COL5A2: variants seen among roughly 807,000 people sequenced by gnomAD.
The protein encoded by COL5A2 is collagen type V alpha 2 chain, also known as collagen alpha-2(V) chain.
Under a neutral mutation model 208.2 loss-of-function variants are expected in COL5A2, and 23 were observed. The ratio of observed to expected loss-of-function variants is 0.11; its 90% CI spans 0.08 to 0.16. The LOEUF (loss-of-function observed/expected upper bound fraction) is 0.16, where lower values mean the gene tolerates loss of function less well. Ranked by LOEUF, COL5A2 falls within the 10% of genes least tolerant of loss-of-function variation. The probability of loss-of-function intolerance (pLI) is 1.00; values close to 1 mark genes in which losing one functional copy is unlikely to be tolerated. For missense variants in COL5A2, 1,590 were observed against 1,956.4 expected (o/e 0.81, Z 3.53); for synonymous variants, 625 against 628.5 (o/e 0.99, Z 0.08).
chr2:189,218,100 C>T (rs953399982), intron 1 of COL5A2, among the ~76,000 whole-genome samples: 2 of 152,074 alleles, frequency 1.3e-5, no homozygotes, highest in Admixed American at 6.6e-5. Context: ...ATTCTAAGAA[C>T]GTTATGCTAA....
chr2:189,359,770 C>T, the COL5A2 span, among the ~76,000 whole-genome samples: 1 of 152,002 alleles, frequency 6.6e-6, no homozygotes. Flanking sequence ...AACAGGATTT[C>T]TATTTTTTTC....
At chr2:189,143,254 C>T (rs2105775553) in intron 1 of COL5A2, among the ~76,000 whole-genome samples, 1 of 152,274 alleles carries the variant, frequency 6.6e-6, no homozygotes, top group Non-Finnish European at 1.5e-5. Flanking sequence ...ACTATGAACC[C>T]TAGCTTGGGG....
rs1386081744 is a variant in COL5A2, at chr2:189,045,190, G to T, written c.3352C>A (p.Arg1118Ser). The change falls in exon 47 of 54, where the codon CGT becomes AGT. Residue 1118 changes from arginine (R) to serine (S), a missense_variant. Coordinates refer to ENST00000374866, the MANE Select transcript of COL5A2 (RefSeq NM_000393.5). ...PIGPPGRAGKRGLPGPQGPRG... is the reference protein window; with the variant it reads ...PIGPPGRAGKSGLPGPQGPRG... ...AAAAGAGAACTTACAGGTAATCCACGTTTCCCAGCTCGACCAGGTGGTCCT... is the reference window on the plus strand; with the variant it reads ...AAAAGAGAACTTACAGGTAATCCACTTTTCCCAGCTCGACCAGGTGGTCCT... The T allele has an allele frequency of 1.2e-6, 2 of 1,602,070 alleles. No homozygotes were observed. The highest frequency in any genetic ancestry group is 2.3e-5 in the South Asian group (2 of 88,324).
chr2:189,144,633 T>A (rs867798701), intron 1 of COL5A2, among the ~76,000 whole-genome samples: 38 of 151,910 alleles, frequency 2.5e-4, no homozygotes, highest in African/African-American at 8.0e-4. Context: ...TACATATATT[T>A]TATATATATA....
At chr2:189,100,028 C>A (rs911461083) in intron 4 of COL5A2, 79 bp downstream of exon 4, 1 of 1,218,332 alleles carries the variant, frequency 8.2e-7, no homozygotes, top group South Asian at 1.3e-5. Flanking sequence ...AAAGTATGTA[C>A]ATAAGCAATA....
intron 1 of COL5A2, among the ~76,000 whole-genome samples, chr2:189,126,884 T>A (rs1258150386): frequency 1.3e-5 from 2 of 152,072 alleles, no homozygotes; most frequent in South Asian, 4.1e-4. Flanking sequence ...GAGTACCTAT[T>A]ATGTGCCATT....
At chr2:189,320,434 T>C in the COL5A2 span, among the ~76,000 whole-genome samples, 1 of 152,164 alleles carries the variant, frequency 6.6e-6, no homozygotes, top group African/African-American at 2.4e-5. Flanking sequence ...ATTACACGAA[T>C]GGCTAACTAG....
At chr2:189,380,304 T>C in the COL5A2 span, among the ~76,000 whole-genome samples, 1 of 151,972 alleles carries the variant, frequency 6.6e-6, no homozygotes, top group African/African-American at 2.4e-5. Flanking sequence ...ATAAAGTTTT[T>C]CTTTTCCTTT....
intron 1 of COL5A2, among the ~76,000 whole-genome samples, chr2:189,149,923 A>T (rs990347393): frequency 2.0e-5 from 3 of 152,238 alleles, no homozygotes; most frequent in African/African-American, 7.2e-5. Context: ...GTAAAGTCTT[A>T]GTAGAAACTT....
intron 8 of COL5A2, among the ~76,000 whole-genome samples, chr2:189,087,906 G>T (rs10165260): frequency 2.0e-5 from 3 of 151,638 alleles, no homozygotes; most frequent in Non-Finnish European, 4.4e-5. Context: ...TCAAAAAAAA[G>T]TTCCCAAAAG....
Position 189,033,955 on chromosome 2 carries a change from T to C in COL5A2, c.*115A>G. The C allele has an allele frequency of 2.9e-6, 4 of 1,366,982 alleles. No individual in the cohort carries two copies. The highest frequency in any genetic ancestry group is 2.3e-5 in the East Asian group (1 of 43,784). 84.7% of individuals were successfully genotyped at this position (1,366,982 alleles called of 1,614,324 possible). On this transcript the variant is annotated 3_prime_UTR_variant, in exon 54 of 54. Transcript: ENST00000374866. ...CTTAAGACCATATATACAATGCTGA[T>C]GCAGGATCAGCCATTACTTCAAGAG...
intron 1 of COL5A2, among the ~76,000 whole-genome samples, chr2:189,123,556 C>T (rs1431934986): frequency 2.6e-5 from 4 of 152,076 alleles, no homozygotes; most frequent in Non-Finnish European, 1.5e-5. Flanking sequence ...TTGTCATAAG[C>T]CACCCAGTTT....
At chr2:189,201,947 A>G (rs1241141385) in intron 1 of COL5A2, among the ~76,000 whole-genome samples, 1 of 151,704 alleles carries the variant, frequency 6.6e-6, no homozygotes, top group Non-Finnish European at 1.5e-5. Context: ...ACATTTTTAA[A>G]TCTAGTCTGT....
chr2:189,040,607 GC>G (rs1380569402), intron 50 of COL5A2, among the ~76,000 whole-genome samples: 1 of 152,060 alleles, frequency 6.6e-6, no homozygotes. Context: ...CAGACAAGTT[GC>G]TTTTACCTTC....
the COL5A2 span, among the ~76,000 whole-genome samples, chr2:189,404,525 T>C: frequency 6.6e-6 from 1 of 152,184 alleles, no homozygotes; most frequent in Non-Finnish European, 1.5e-5. Context: ...CCCCTGGTTA[T>C]AACAGACCTG....
chr2:189,286,164 A>G, the COL5A2 span, among the ~76,000 whole-genome samples: 1 of 151,968 alleles, frequency 6.6e-6, no homozygotes, highest in Non-Finnish European at 1.5e-5. Flanking sequence ...ACAGTTTGGC[A>G]TCACATTTAA....
At chr2:189,273,130 A>G in the COL5A2 span, among the ~76,000 whole-genome samples, 1 of 152,184 alleles carries the variant, frequency 6.6e-6, no homozygotes, top group Non-Finnish European at 1.5e-5. Context: ...AGATAAAATC[A>G]TATTTATATG....
chr2:189,428,857 G>A, the COL5A2 span, among the ~76,000 whole-genome samples: 11 of 152,096 alleles, frequency 7.2e-5, no homozygotes, highest in Admixed American at 2.6e-4. Context: ...CACAAGAATG[G>A]CCTAATACAC....
At chr2:189,347,154 G>A in the COL5A2 span, among the ~76,000 whole-genome samples, 48 of 152,322 alleles carry the variant, frequency 3.2e-4, no homozygotes, top group African/African-American at 1.1e-3. Context: ...GTCAAAAAAG[G>A]AGGACACGTT....
Sources: gnomAD v4.1 joint callset for allele counts (sites outside exome capture counted in the v4.1 genomes callset) on GRCh38, gnomAD v4.1.1 for gene constraint, MANE v1.5 for transcripts, NCBI Gene and HGNC (gene_info 2026-07-23, HGNC 2026-07-21) for gene names.